The following SPOCK1 variants were observed in gnomAD, a reference collection of about 807,000 sequenced individuals.
The protein encoded by SPOCK1 is testican-1.
SPOCK1 carries 23 observed loss-of-function variants against 55.3 expected under a neutral mutation model. The observed-to-expected ratio is 0.42, with a 90% CI of 0.30 to 0.59. The LOEUF (loss-of-function observed/expected upper bound fraction) is 0.59. SPOCK1 is among the 20% of genes least tolerant of loss of function. The probability of loss-of-function intolerance (pLI) is 0.22; values close to 1 mark genes in which losing one functional copy is unlikely to be tolerated. For missense variants in SPOCK1, 499 were observed against 552.5 expected (o/e 0.90, Z 0.97); for synonymous variants, 226 against 221.0 (o/e 1.02, Z -0.20).
chr5:137,152,498 C>A (rs1347252210), intron 3 of SPOCK1, among the ~76,000 whole-genome samples: 1 of 152,112 alleles, frequency 6.6e-6, no homozygotes, highest in Non-Finnish European at 1.5e-5. Flanking sequence ...ATAAAACAAA[C>A]ACAAGGGGCA....
chr5:137,023,955 A>G (rs1406505845), intron 6 of SPOCK1, among the ~76,000 whole-genome samples: 1 of 119,572 alleles, frequency 8.4e-6, no homozygotes, highest in Non-Finnish European at 1.8e-5. Context: ...AAGTGTCAAT[A>G]TAGTATTTTT....
chr5:137,038,631 G>T (rs1751929375), intron 6 of SPOCK1, among the ~76,000 whole-genome samples: 2 of 152,130 alleles, frequency 1.3e-5, no homozygotes, highest in African/African-American at 4.8e-5. Flanking sequence ...TGTCCTCTCT[G>T]GCTCTCATTA....
intron 2 of SPOCK1, among the ~76,000 whole-genome samples, chr5:137,334,898 C>A (rs1484405245): frequency 2.0e-5 from 3 of 151,718 alleles, no homozygotes; most frequent in Admixed American, 6.6e-5. Flanking sequence ...TGGTGTTGCA[C>A]CCAAGGGCGT....
At chr5:137,473,467 C>G (rs932982388) in intron 2 of SPOCK1, among the ~76,000 whole-genome samples, 1 of 152,114 alleles carries the variant, frequency 6.6e-6, no homozygotes, top group South Asian at 2.1e-4. Context: ...CTAGCAGCTA[C>G]TAGAAATGGT....
intron 5 of SPOCK1, among the ~76,000 whole-genome samples, chr5:137,109,564 G>T (rs767294800): frequency 2.0e-5 from 3 of 152,072 alleles, no homozygotes; most frequent in Non-Finnish European, 4.4e-5. Flanking sequence ...TTATAATACC[G>T]AGTATCCCTC....
intron 2 of SPOCK1, among the ~76,000 whole-genome samples, chr5:137,406,364 AG>A (rs1752099578): frequency 1.3e-5 from 2 of 152,362 alleles, no homozygotes; most frequent in South Asian, 4.1e-4. Context: ...CAGTAAGGCC[AG>A]GCAGGAGTAG....
At chr5:136,981,616 A>C (rs1750731698) in intron 9 of SPOCK1, among the ~76,000 whole-genome samples, 1 of 152,130 alleles carries the variant, frequency 6.6e-6, no homozygotes, top group Non-Finnish European at 1.5e-5. Context: ...TAGTAATCTC[A>C]TATTTTACTT....
At chr5:137,334,297 C>G (rs191584997) in intron 2 of SPOCK1, among the ~76,000 whole-genome samples, 1 of 152,296 alleles carries the variant, frequency 6.6e-6, no homozygotes, top group East Asian at 1.9e-4. Context: ...TTTCCTCTTT[C>G]AAATATATGA....
intron 2 of SPOCK1, 120 bp downstream of exon 2, chr5:137,498,253 G>A: frequency 9.8e-7 from 1 of 1,022,826 alleles, no homozygotes; most frequent in East Asian, 3.3e-5. Context: ...ATGCCCACCT[G>A]TCCCCCTCCC....
At chr5:137,014,426 T>G (rs1751411443) in intron 6 of SPOCK1, among the ~76,000 whole-genome samples, 2 of 152,278 alleles carry the variant, frequency 1.3e-5, no homozygotes, top group South Asian at 2.1e-4. Context: ...GGCCATGTGG[T>G]CCCAAGTAGG....
At chr5:137,144,787 G>A (rs902326961) in intron 3 of SPOCK1, among the ~76,000 whole-genome samples, 1 of 152,186 alleles carries the variant, frequency 6.6e-6, no homozygotes, top group Non-Finnish European at 1.5e-5. Context: ...CTTTTAATAA[G>A]TAGGGGAAAC....
intron 2 of SPOCK1, among the ~76,000 whole-genome samples, chr5:137,492,690 T>C (rs1754210523): frequency 6.6e-6 from 1 of 152,166 alleles, no homozygotes; most frequent in Admixed American, 6.5e-5. Flanking sequence ...CTGTGTAAGT[T>C]TTTTATGGGG....
intron 2 of SPOCK1, among the ~76,000 whole-genome samples, chr5:137,465,508 G>A (rs1753600714): frequency 6.6e-6 from 1 of 151,786 alleles, no homozygotes; most frequent in African/African-American, 2.4e-5. Flanking sequence ...TTCTTGTTTA[G>A]CTGGAAAAGT....
intron 2 of SPOCK1, among the ~76,000 whole-genome samples, chr5:137,496,670 C>G (rs1199727500): frequency 6.6e-6 from 1 of 152,098 alleles, no homozygotes; most frequent in African/African-American, 2.4e-5. Flanking sequence ...TATCTCTGCC[C>G]CAGGTGAATC....
At chr5:137,493,347 C>A (rs1411163683) in intron 2 of SPOCK1, among the ~76,000 whole-genome samples, 1 of 152,186 alleles carries the variant, frequency 6.6e-6, no homozygotes, top group Non-Finnish European at 1.5e-5. Context: ...GCAAGTATTA[C>A]GGGTCCATTA....
chr5:137,302,179 G>C (rs1215686866), intron 2 of SPOCK1, among the ~76,000 whole-genome samples: 1 of 152,114 alleles, frequency 6.6e-6, no homozygotes, highest in Non-Finnish European at 1.5e-5. Flanking sequence ...AATCAAATTA[G>C]ATATTAAATA....
chr5:137,133,234 G>T (rs1349533995), intron 4 of SPOCK1, among the ~76,000 whole-genome samples: 1 of 152,008 alleles, frequency 6.6e-6, no homozygotes, highest in Non-Finnish European at 1.5e-5. Flanking sequence ...GCTAGGCATG[G>T]TGGCATGCAC....
intron 2 of SPOCK1, among the ~76,000 whole-genome samples, chr5:137,385,997 A>G (rs1751592692): frequency 6.6e-6 from 1 of 152,248 alleles, no homozygotes; most frequent in Non-Finnish European, 1.5e-5. Flanking sequence ...TTTATTTACA[A>G]AAGCAGGTGG....
chr5:137,131,615 T>TA (rs79028354), intron 4 of SPOCK1, among the ~76,000 whole-genome samples: 31,279 of 141,846 alleles, frequency 0.22, 3,595 homozygotes, highest in East Asian at 0.39. Context: ...CTCAAAAAAA[T>TA]AAAAAAAAGA....
Sources: gnomAD v4.1 joint callset for allele counts (sites outside exome capture counted in the v4.1 genomes callset) on GRCh38, gnomAD v4.1.1 for gene constraint, MANE v1.5 for transcripts, NCBI Gene and HGNC (gene_info 2026-07-23, HGNC 2026-07-21) for gene names.